MEDAG: variants seen among roughly 807,000 people sequenced by gnomAD.
MEDAG encodes mesenteric estrogen dependent adipogenesis, also known as mesenteric estrogen-dependent adipogenesis protein.
A neutral mutation model predicts 29.9 loss-of-function variants in MEDAG; 25 were observed. That is an observed-to-expected ratio of 0.84 (90% CI 0.61 to 1.17). MEDAG has a LOEUF of 1.17. Ranked by LOEUF, MEDAG falls within the 50% of genes most tolerant of loss-of-function variation. MEDAG has a pLI of 0.00. For missense variants in MEDAG, 398 were observed against 372.9 expected, an observed-to-expected ratio of 1.07 and a Z score of -0.56; for synonymous variants, 158 against 148.2, an observed-to-expected ratio of 1.07 and a Z score of -0.48.
intron 2 of MEDAG, among the ~76,000 whole-genome samples, chr13:30,918,570 T>G (rs1184624279): frequency 1.3e-5 from 2 of 152,208 alleles, no homozygotes; most frequent in Admixed American, 6.5e-5. Flanking sequence ...AGTATGAAAA[T>G]GTCTCCATTT....
rs773177464 is a variant in MEDAG at position 30,921,693 on chromosome 13, A to C, written c.634A>C (p.Asn212His). ...FDFFYWFGLS[N>H]SVVKVNGKVL... ...TTTCTTCTATTGGTTTGGGCTCAGT[A>C]ATTCCGTTGTAAAAGTAAATGGAAA... Residue 212 changes from asparagine to histidine, a missense_variant, in exon 4 of 5, where the codon AAT becomes CAT. Transcript: ENST00000380482. 1 of 1,614,120 alleles carries C rather than the reference A, an allele frequency of 6.2e-7. No individual in the cohort carries two copies. Among genetic ancestry groups the C allele is most frequent in the Non-Finnish European group, 8.5e-7 (1 of 1,179,998 alleles).
In MEDAG at chr13:30,906,683, G is replaced by T; in HGVS notation, c.168G>T (p.Val56=). ...GAFQLSGDQL[V]VARPGEPAAA... is the part of the protein sequence containing the mutation. The stretch of plus-strand genomic sequence containing the variant: ...TCCAGCTGAGCGGCGACCAGCTCGT[G>T]GTGGCCAGGCCCGGGGAGCCGGCGG... Residue 56 remains valine, a synonymous_variant, in exon 1 of 5, where the codon GTG becomes GTT. Coordinates refer to ENST00000380482, the MANE Select transcript of MEDAG (RefSeq NM_032849.4). The T allele has an allele frequency of 1.3e-6, 2 of 1,548,500 alleles. No homozygotes were observed. The highest frequency in any genetic ancestry group is 2.4e-5 in the South Asian group (2 of 85,024).
chr13:30,921,900 G>C, intron 4 of MEDAG, 54 bp downstream of exon 4: 1 of 1,506,122 alleles, frequency 6.6e-7, no homozygotes, highest in South Asian at 1.4e-5. Context: ...AAAGGGTAGA[G>C]TAAAATAATG....
chr13:30,909,708 G>A (rs1226504355), intron 1 of MEDAG, among the ~76,000 whole-genome samples: 3 of 152,134 alleles, frequency 2.0e-5, no homozygotes, highest in African/African-American at 4.8e-5. Flanking sequence ...TATGGGATAA[G>A]CCCCTGGTGT....
chr13:30,910,954 T>A (rs143112129), intron 1 of MEDAG, among the ~76,000 whole-genome samples: 2 of 152,234 alleles, frequency 1.3e-5, no homozygotes, highest in Non-Finnish European at 2.9e-5. Flanking sequence ...TGTAGCAACC[T>A]GCTTAGGACA....
intron 2 of MEDAG, among the ~76,000 whole-genome samples, chr13:30,919,445 G>A (rs1200996050): frequency 6.6e-6 from 1 of 152,224 alleles, no homozygotes; most frequent in East Asian, 1.9e-4. Flanking sequence ...CAGCACAACT[G>A]TGGAGTGTTG....
intron 1 of MEDAG, among the ~76,000 whole-genome samples, chr13:30,910,457 G>T (rs1952872009): frequency 6.6e-6 from 1 of 151,942 alleles, no homozygotes; most frequent in Non-Finnish European, 1.5e-5. Flanking sequence ...CCTTTTTACA[G>T]ATGTAAGCAT....
At chr13:30,923,226 CTG>C (rs1166489466) in intron 4 of MEDAG, among the ~76,000 whole-genome samples, 3 of 152,164 alleles carry the variant, frequency 2.0e-5, no homozygotes, top group Non-Finnish European at 4.4e-5. Context: ...TGGCCACAGC[CTG>C]TGTTTCTTTC....
At chr13:30,915,956 C>G (rs1042041776) in intron 1 of MEDAG, 2 of 152,294 alleles carry the variant, frequency 1.3e-5, no homozygotes, top group Middle Eastern at 3.4e-3. Flanking sequence ...CCTCCCTACC[C>G]CAGGAACAGC....
In MEDAG at chr13:30,924,411, A is replaced by AGAGAC. The variant is rs1308120620; in HGVS notation, c.889_893dup (p.Pro299ArgfsTer9). 6.2e-7 allele frequency: 1 copy of AGAGAC among 1,614,138 alleles called. No homozygotes were observed. Among genetic ancestry groups the AGAGAC allele is most frequent in the African/African-American group, 1.3e-5 (1 of 75,050 alleles). Reference sequence around the variant, plus strand: ...CATTTCCAAGTGTTCTGGAATCTGAAGAGACACCCAACCAATTTATCTGAT... The same window carrying AGAGAC: ...CATTTCCAAGTGTTCTGGAATCTGAAGAGACGAGACACCCAACCAATTTATCTGAT... On this transcript the variant is annotated frameshift_variant, in exon 5 of 5. Transcript: ENST00000380482. LOFTEE classifies it high-confidence loss of function.
At chr13:30,922,214 G>A (rs2138128879) in intron 4 of MEDAG, 1 of 157,572 alleles carries the variant, frequency 6.3e-6, no homozygotes, top group South Asian at 2.0e-4. Context: ...GAACAAAAAT[G>A]ATCAGTTGGG....
chr13:30,915,700 C>T (rs1952921260), intron 1 of MEDAG, among the ~76,000 whole-genome samples: 1 of 152,056 alleles, frequency 6.6e-6, no homozygotes, highest in Non-Finnish European at 1.5e-5. Flanking sequence ...CCCCCTTTCT[C>T]CTGTTCTGCC....
At chr13:30,913,216 GTTGT>G (rs1240723690) in intron 1 of MEDAG, among the ~76,000 whole-genome samples, 1 of 152,038 alleles carries the variant, frequency 6.6e-6, no homozygotes. Flanking sequence ...GTTGCTTTGG[GTTGT>G]TTGTTTGTTT....
rs1175897707 is a variant in MEDAG at position 30,919,895 on chromosome 13, A to G, written c.389-1119A>G. Among the ~76,000 whole-genome samples the G allele has an allele frequency of 2.0e-5, 3 of 152,296 alleles. No individual in the cohort carries two copies. In the East Asian group the frequency reaches 5.8e-4, roughly 29 times the overall value. ...AGTTAAGAGGTTGCTGGTTAATACCATTTTATATTTCCTAATGAGTAAACA... is the reference window on the plus strand; with the variant it reads ...AGTTAAGAGGTTGCTGGTTAATACCGTTTTATATTTCCTAATGAGTAAACA... On this transcript the variant is annotated intron_variant, in intron 2 of 4. Coordinates refer to ENST00000380482, the MANE Select transcript of MEDAG (RefSeq NM_032849.4).
chr13:30,923,649 C>T (rs1347553944), intron 4 of MEDAG, among the ~76,000 whole-genome samples: 1 of 152,176 alleles, frequency 6.6e-6, no homozygotes, highest in Non-Finnish European at 1.5e-5. Flanking sequence ...CCATATGTGC[C>T]TGGGCCTTTT....
At chr13:30,912,566 A>G (rs938673778) in intron 1 of MEDAG, among the ~76,000 whole-genome samples, 1 of 152,014 alleles carries the variant, frequency 6.6e-6, no homozygotes, top group Admixed American at 6.6e-5. Context: ...AAGGATTTGA[A>G]TTCCTATTTG....
chr13:30,909,848 C>T (rs1461641962), intron 1 of MEDAG, among the ~76,000 whole-genome samples: 1 of 152,138 alleles, frequency 6.6e-6, no homozygotes, highest in African/African-American at 2.4e-5. Flanking sequence ...AAGAGAGCAA[C>T]AGGATGATTT....
chr13:30,914,505 G>T (rs989151624), intron 1 of MEDAG, among the ~76,000 whole-genome samples: 1 of 152,214 alleles, frequency 6.6e-6, no homozygotes, highest in Non-Finnish European at 1.5e-5. Context: ...ATCAAAGGCA[G>T]ATTAAATTAT....
chr13:30,921,610 T>G lies in MEDAG; in HGVS notation c.551T>G (p.Val184Gly), dbSNP rs1952986473. 5.6e-6 allele frequency: 9 copies of G among 1,608,586 alleles called. No individual in the cohort carries two copies. The highest frequency in any genetic ancestry group is 1.3e-5 in the African/African-American group (1 of 74,530). ...AATTTCTTCCCCCCAGGAAATGAAG[T>G]GGTTAATGGAGAAAATTTAAGCTTT... The part of the protein sequence containing the change: ...VKNFFPPGNE[V>G]VNGENLSFAY... Residue 184 changes from valine to glycine, a missense_variant, in exon 4 of 5, where the codon GTG (valine) becomes GGG (glycine). Coordinates refer to ENST00000380482, the MANE Select transcript of MEDAG (RefSeq NM_032849.4).
Sources: allele counts gnomAD v4.1 joint callset (sites outside exome capture counted in the v4.1 genomes callset), GRCh38; gene constraint gnomAD v4.1.1; transcripts MANE v1.5; gene names NCBI Gene and HGNC (gene_info 2026-07-23, HGNC 2026-07-21).